Variants in SMAP1 observed in about 807,000 individuals in gnomAD.
SMAP1 encodes the protein stromal membrane-associated protein 1.
SMAP1 carries 24 observed loss-of-function variants against 58.5 expected under a neutral mutation model. The observed-to-expected ratio is 0.41, with a 90% CI of 0.30 to 0.58. The LOEUF is 0.58. Ranked by LOEUF, SMAP1 falls within the 20% of genes least tolerant of loss-of-function variation. The probability of loss-of-function intolerance (pLI) is 0.29; values close to 1 mark genes in which losing one functional copy is unlikely to be tolerated. For missense variants in SMAP1, 563 were observed against 566.3 expected (o/e 0.99, Z 0.06); for synonymous variants, 216 against 196.6 (o/e 1.10, Z -0.82).
At chr6:70,673,212 C>T (rs1298801059) in intron 1 of SMAP1, among the ~76,000 whole-genome samples, 1 of 152,236 alleles carries the variant, frequency 6.6e-6, no homozygotes, top group Non-Finnish European at 1.5e-5. Flanking sequence ...TTCAAGGCCA[C>T]ACATACCACC....
At chr6:70,760,843 T>C (rs1766718085) in intron 3 of SMAP1, among the ~76,000 whole-genome samples, 1 of 152,138 alleles carries the variant, frequency 6.6e-6, no homozygotes, top group Admixed American at 6.6e-5. Flanking sequence ...CAAAAGCTGC[T>C]GTGAAAGTGT....
chr6:70,673,633 A>G (rs968226122), intron 1 of SMAP1, among the ~76,000 whole-genome samples: 4 of 152,260 alleles, frequency 2.6e-5, no homozygotes, highest in African/African-American at 9.6e-5. Context: ...GTTGATGCTT[A>G]TAGGACAAAT....
At chr6:70,717,583 A>ACT (rs987550514) in intron 1 of SMAP1, among the ~76,000 whole-genome samples, 7 of 152,242 alleles carry the variant, frequency 4.6e-5, no homozygotes, top group African/African-American at 1.7e-4. Context: ...TGTATAGGAG[A>ACT]CTGTCGGCCA....
At chr6:70,804,678 G>T (rs562965119) in intron 6 of SMAP1, among the ~76,000 whole-genome samples, 2 of 152,098 alleles carry the variant, frequency 1.3e-5, no homozygotes, top group African/African-American at 2.4e-5. Flanking sequence ...AGGAGCTCTT[G>T]TAAGGCAGGC....
At chr6:70,788,743 A>C (rs974662103) in intron 4 of SMAP1, among the ~76,000 whole-genome samples, 1 of 152,180 alleles carries the variant, frequency 6.6e-6, no homozygotes, top group Non-Finnish European at 1.5e-5. Context: ...AGGGGAGGAA[A>C]GAATAGGGGG....
intron 1 of SMAP1, among the ~76,000 whole-genome samples, chr6:70,729,070 C>T (rs1286251172): frequency 6.6e-6 from 1 of 152,082 alleles, no homozygotes. Flanking sequence ...CTTTTACTGC[C>T]TTTCATTTTC....
intron 3 of SMAP1, among the ~76,000 whole-genome samples, chr6:70,765,002 A>G (rs1331631273): frequency 6.6e-6 from 1 of 152,114 alleles, no homozygotes; most frequent in Non-Finnish European, 1.5e-5. Context: ...GAATTTTGCC[A>G]TGTTGCCAGG....
intron 4 of SMAP1, among the ~76,000 whole-genome samples, chr6:70,775,668 T>A (rs954014825): frequency 1.3e-5 from 2 of 152,212 alleles, no homozygotes; most frequent in African/African-American, 4.8e-5. Flanking sequence ...TACAGTTCCT[T>A]CCTTTTTTTA....
At chr6:70,823,000 A>G (rs1454180376) in intron 6 of SMAP1, among the ~76,000 whole-genome samples, 1 of 152,016 alleles carries the variant, frequency 6.6e-6, no homozygotes, top group Non-Finnish European at 1.5e-5. Flanking sequence ...TAGAATTTTC[A>G]TCTCTCTTTA....
intron 1 of SMAP1, among the ~76,000 whole-genome samples, chr6:70,671,195 T>C (rs1259032156): frequency 6.8e-6 from 1 of 147,704 alleles, no homozygotes; most frequent in East Asian, 1.9e-4. Context: ...TTTTTTTTTT[T>C]CACTTCTCTA....
rs947052811 is a variant in SMAP1 at position 70,767,736 on chromosome 6, C to G, written c.339-5614C>G. Reference sequence around the variant, plus strand: ...TTCCTCTTTTCCTAATTGAATAACCCTTTATTTCCTTCTCCTGCCTAATTG... The same window carrying G: ...TTCCTCTTTTCCTAATTGAATAACCGTTTATTTCCTTCTCCTGCCTAATTG... On this transcript the variant is annotated intron_variant, in intron 3 of 10. Coordinates refer to ENST00000370455, the MANE Select transcript of SMAP1 (RefSeq NM_001044305.3). 1.4e-5 allele frequency among the ~76,000 whole-genome samples: 2 copies of G among 142,706 alleles called. 1 individual carries two copies. The highest frequency in any genetic ancestry group is 3.0e-5 in the Non-Finnish European group (2 of 66,264). 93.6% of individuals were successfully genotyped at this position (142,706 alleles called of 152,430 possible).
chr6:70,779,961 G>A lies in SMAP1; in HGVS notation c.414+6536G>A, dbSNP rs141691686. On this transcript the variant is annotated intron_variant, in intron 4 of 10. Transcript: ENST00000370455. ...AAAACCCTGTCATTGAGTAGTAGGT[G>A]ACAATTAAGCTGCATCTGGTGGCAG... Among the ~76,000 whole-genome samples, 8 of 152,306 alleles carry A rather than the reference G, an allele frequency of 5.3e-5. No homozygotes were observed. In the East Asian group the frequency reaches 1.2e-3, roughly 22 times the overall value.
rs555591776 is a variant in SMAP1 at position 70,817,977 on chromosome 6, CT to C, written c.577-18962del. 1.6e-4 allele frequency among the ~76,000 whole-genome samples: 25 copies of C among 152,208 alleles called. No homozygotes were observed. In the South Asian group the frequency reaches 5.0e-3, roughly 30 times the overall value. On this transcript the variant is annotated intron_variant, in intron 6 of 10. Transcript: ENST00000370455. ...CCAGACTAAAATAGCCAACAATGAC[CT>C]TGTTAGATTTGTGATTTGCTGCTCA...
At chr6:70,852,444 CT>C (rs906154209) in intron 7 of SMAP1, 95 bp from the exon 8 acceptor site, 510 of 1,204,708 alleles carry the variant, frequency 4.2e-4, no homozygotes, top group South Asian at 7.0e-4. Context: ...TTGAACTGTT[CT>C]TTTTTTTTAA....
chr6:70,805,451 T>C (rs1477855995), intron 6 of SMAP1, among the ~76,000 whole-genome samples: 2 of 152,230 alleles, frequency 1.3e-5, no homozygotes, highest in African/African-American at 4.8e-5. Context: ...TAGAACATGT[T>C]CCATTAGCTC....
chr6:70,694,591 C>T (rs1767321712), intron 1 of SMAP1: 1 of 152,662 alleles, frequency 6.6e-6, no homozygotes, highest in African/African-American at 2.4e-5. Context: ...GCTCTCACTT[C>T]CTTGGACCTA....
intron 4 of SMAP1, among the ~76,000 whole-genome samples, chr6:70,787,337 A>G (rs902810728): frequency 6.6e-6 from 1 of 152,246 alleles, no homozygotes; most frequent in Non-Finnish European, 1.5e-5. Flanking sequence ...ACCTAAAACC[A>G]TAAAAGCCCT....
At chr6:70,753,178 A>G (rs988445918) in intron 2 of SMAP1, among the ~76,000 whole-genome samples, 40 of 152,134 alleles carry the variant, frequency 2.6e-4, no homozygotes, top group African/African-American at 9.4e-4. Flanking sequence ...GAAAAAAAAT[A>G]CCAATTATTA....
intron 6 of SMAP1, among the ~76,000 whole-genome samples, chr6:70,807,271 C>G (rs1357140626): frequency 6.6e-6 from 1 of 152,172 alleles, no homozygotes; most frequent in African/African-American, 2.4e-5. Flanking sequence ...GAAACTATTA[C>G]TAATTGTGTC....
Sources: gnomAD v4.1 joint callset for allele counts (sites outside exome capture counted in the v4.1 genomes callset) on GRCh38, gnomAD v4.1.1 for gene constraint, MANE v1.5 for transcripts, NCBI Gene and HGNC (gene_info 2026-07-23, HGNC 2026-07-21) for gene names.